The following CACNA1C variants were observed in gnomAD, a reference collection of about 807,000 sequenced individuals.
CACNA1C encodes the protein calcium voltage-gated channel subunit alpha1 C.
Under a neutral mutation model 229.0 loss-of-function variants are expected in CACNA1C, and 30 were observed. The observed-to-expected ratio is 0.13, with a 90% CI of 0.10 to 0.18. CACNA1C has a LOEUF of 0.18. Among genes scored for constraint, CACNA1C ranks in the 10% least tolerant of loss-of-function variants. The probability of loss-of-function intolerance (pLI) is 1.00; values close to 1 mark genes in which losing one functional copy is unlikely to be tolerated. For synonymous variants in CACNA1C, 1,114 were observed against 1,132.5 expected (o/e 0.98, Z 0.33); for missense variants, 1,658 against 2,845.0 (o/e 0.58, Z 9.49).
intron 1 of CACNA1C, among the ~76,000 whole-genome samples, chr12:2,023,310 A>C (rs1049237631): frequency 2.0e-5 from 3 of 151,938 alleles, no homozygotes; most frequent in African/African-American, 7.3e-5. Flanking sequence ...TAGGGTGTGG[A>C]GAGTGGCTTC....
At chr12:2,059,442 C>T (rs1259164340) in intron 1 of CACNA1C, among the ~76,000 whole-genome samples, 1 of 152,090 alleles carries the variant, frequency 6.6e-6, no homozygotes, top group East Asian at 1.9e-4. Flanking sequence ...GCCGAGGGAA[C>T]TAGAGGAAGG....
At chr12:2,469,390 A>G (rs112846043) in intron 5 of CACNA1C, among the ~76,000 whole-genome samples, 7 of 152,322 alleles carry the variant, frequency 4.6e-5, no homozygotes, top group African/African-American at 1.7e-4. Flanking sequence ...TCTATGCCGC[A>G]TTGTGTTGAT....
intron 3 of CACNA1C, among the ~76,000 whole-genome samples, chr12:2,332,940 C>A (rs1407808228): frequency 6.6e-6 from 1 of 152,132 alleles, no homozygotes; most frequent in Non-Finnish European, 1.5e-5. Flanking sequence ...ATCCTAAAGG[C>A]AGAAAACAAC....
rs1456259331 is a variant in CACNA1C at position 2,354,847 on chromosome 12, C to T, written c.478-94129C>T. 6.6e-6 allele frequency among the ~76,000 whole-genome samples: 1 copy of T among 152,176 alleles called. No homozygotes were observed. Among genetic ancestry groups the T allele is most frequent in the East Asian group, 1.9e-4 (1 of 5,186 alleles). ...ACCTTCCAGGCTTAGCTGGAGTAAC[C>T]ATTTCAGAGCTGGTCGTTTCCCCGC... On this transcript the variant is annotated intron_variant, in intron 3 of 46. Transcript: ENST00000399655. The surrounding 1 kb of genome is among the most constrained non-coding windows in gnomAD (Gnocchi z 4.6).
intron 1 of CACNA1C, among the ~76,000 whole-genome samples, chr12:2,086,451 C>T (rs2067672518): frequency 6.6e-6 from 1 of 152,202 alleles, no homozygotes; most frequent in South Asian, 2.1e-4. Flanking sequence ...GATTTCTAAT[C>T]TATTCTAGGC....
chr12:2,438,386 A>G (rs1332377391), intron 3 of CACNA1C, among the ~76,000 whole-genome samples: 2 of 46,796 alleles, frequency 4.3e-5, no homozygotes, highest in African/African-American at 8.2e-5. Flanking sequence ...GATGGTGGTC[A>G]TGGTAGTCAT....
At chr12:2,606,453 G>A (rs569639250) in intron 24 of CACNA1C, among the ~76,000 whole-genome samples, 158 bp from the exon 25 acceptor site, 106 of 152,118 alleles carry the variant, frequency 7.0e-4, no homozygotes, top group Admixed American at 2.2e-3. Flanking sequence ...ATTCGCCACC[G>A]TTCTGTGCGT....
At chr12:2,513,385 C>G (rs1375683543) in intron 9 of CACNA1C, among the ~76,000 whole-genome samples, 3 of 152,220 alleles carry the variant, frequency 2.0e-5, no homozygotes, top group Non-Finnish European at 4.4e-5. Context: ...AACTTTATAC[C>G]TGCTCAGGAT....
At position 2,679,493 on chromosome 12, in the gene CACNA1C, G is replaced by T. The variant is rs1462627241; in HGVS notation, c.5141G>T (p.Gly1714Val). ...GNHVSYYQSD[G>V]RSAFPQTFTT... ...CACGTCAGCTACTACCAAAGCGACG[G>T]CCGGAGCGCCTTCCCCCAGACCTTC... Residue 1714 changes from glycine (G) to valine (V), a missense_variant, in exon 42 of 47, where the codon GGC becomes GTC. Transcript: ENST00000399655. This position sits in a 1 kb window ranked among gnomAD's most constrained non-coding sequence, Gnocchi z 5.5. The T allele has an allele frequency of 6.2e-7, 1 of 1,606,802 alleles. No homozygotes were observed. The highest frequency in any genetic ancestry group is 1.7e-5 in the Admixed American group (1 of 59,442).
At chr12:2,011,043 C>G (rs1172685940) in intron 1 of CACNA1C, 1 of 149,286 alleles carries the variant, frequency 6.7e-6, no homozygotes, top group Non-Finnish European at 1.5e-5. Flanking sequence ...CCCAGCTACT[C>G]GGGAGGCTGA....
rs796266037 is a variant in CACNA1C at position 2,010,041 on chromosome 12, CATT to C, written c.139+38848_139+38850del. Among the ~76,000 whole-genome samples the C allele has an allele frequency of 7.7e-4, 118 of 152,258 alleles. 1 individual carries two copies. Among genetic ancestry groups the C allele is most frequent in the African/African-American group, 2.5e-3 (104 of 41,546 alleles). On this transcript the variant is annotated intron_variant, in intron 1 of 46. Transcript: ENST00000682462. ...GTAAGAGTATCACTATCTTCATCAT[CATT>C]ATTATTAGTTTCATGACCAGTATTA...
intron 46 of CACNA1C, 133 bp from the exon 47 acceptor site, chr12:2,690,767 C>A (rs897877536): frequency 1.4e-5 from 12 of 833,320 alleles, no homozygotes; most frequent in Non-Finnish European, 1.8e-6. Flanking sequence ...AACACACACA[C>A]GTACACGTGC....
intron 3 of CACNA1C, among the ~76,000 whole-genome samples, chr12:2,283,308 G>A (rs1160379490): frequency 6.6e-6 from 1 of 152,214 alleles, no homozygotes; most frequent in Non-Finnish European, 1.5e-5. Flanking sequence ...GGCTGACAAA[G>A]TATCTTACCT....
At chr12:2,070,293 A>G (rs2060731096) in intron 1 of CACNA1C, among the ~76,000 whole-genome samples, 1 of 152,236 alleles carries the variant, frequency 6.6e-6, no homozygotes, top group Admixed American at 6.5e-5. Flanking sequence ...AGAGAGTCTT[A>G]AATCGGGGAT....
intron 3 of CACNA1C, among the ~76,000 whole-genome samples, chr12:2,154,085 T>C (rs2095429060): frequency 6.6e-6 from 1 of 152,224 alleles, no homozygotes; most frequent in Admixed American, 6.5e-5. Context: ...TCGAGTGATT[T>C]CCTGTATGAA....
At chr12:2,342,907 A>G (rs1332254552) in intron 3 of CACNA1C, among the ~76,000 whole-genome samples, 4 of 152,252 alleles carry the variant, frequency 2.6e-5, no homozygotes, top group African/African-American at 9.6e-5. Context: ...TCTTTGTGAT[A>G]ACAAGCATCT....
intron 1 of CACNA1C, among the ~76,000 whole-genome samples, chr12:1,979,153 C>A (rs2035345018): frequency 6.6e-6 from 1 of 152,168 alleles, no homozygotes; most frequent in South Asian, 2.1e-4. Context: ...GCTGGGATTA[C>A]ACGTGCCCGC....
In CACNA1C at chr12:2,501,102, G is replaced by A. The variant is rs957521179; in HGVS notation, c.1114-3740G>A. Among the ~76,000 whole-genome samples the A allele has an allele frequency of 4.0e-5, 6 of 150,116 alleles. No homozygotes were observed. In the East Asian group the frequency reaches 6.0e-4, roughly 15 times the overall value. On this transcript the variant is annotated intron_variant, in intron 7 of 46. Coordinates refer to ENST00000399655, the MANE Select transcript of CACNA1C (RefSeq NM_000719.7). ...CGGGTGCCTGTAGTCCCTGCTACTC[G>A]GGAGGCTGAGGCAGGAGAATGGCAT...
In CACNA1C at chr12:2,053,043, G is replaced by A. The variant is rs986533473; in HGVS notation, c.-520G>A. ...TCCTGCCAGAGCGGCGCTCGGCGCG[G>A]CGCGGCGGGCCCGGAGCGGCGGCGG... is the stretch of plus-strand genomic sequence containing the variant. On this transcript the variant is annotated 5_prime_UTR_variant, in exon 1 of 47. Transcript: ENST00000399655. The surrounding 1 kb of genome is among the most constrained non-coding windows in gnomAD (Gnocchi z 5.8). The A allele has an allele frequency of 2.0e-6, 2 of 984,476 alleles. No homozygotes were observed. The highest frequency in any genetic ancestry group is 1.2e-4 in the Admixed American group (2 of 16,214). 61.0% of individuals were successfully genotyped at this position (984,476 alleles called of 1,614,324 possible).
Sources: allele counts gnomAD v4.1 joint callset (sites outside exome capture counted in the v4.1 genomes callset), GRCh38; gene constraint gnomAD v4.1.1; non-coding constraint Gnocchi (gnomAD v3.1); transcripts MANE v1.5; gene names NCBI Gene and HGNC (gene_info 2026-07-23, HGNC 2026-07-21).